Variants in WWOX observed in about 807,000 individuals in gnomAD.
WWOX encodes WW domain-containing oxidoreductase.
WWOX carries 69 observed loss-of-function variants against 46.2 expected under a neutral mutation model. That is an observed-to-expected ratio of 1.49 (90% CI 1.23 to 1.82). The LOEUF is 1.82. Ranked by LOEUF, WWOX falls within the 40% of genes most tolerant of loss-of-function variation. WWOX has a pLI of 0.00. For synonymous variants in WWOX, 359 were observed against 202.6 expected (o/e 1.77, Z -6.56); for missense variants, 919 against 542.6 (o/e 1.69, Z -6.89).
At chr16:78,767,106 CTTCCTTCCTTCT>C (rs1412305072) in intron 8 of WWOX, among the ~76,000 whole-genome samples, 1 of 137,586 alleles carries the variant, frequency 7.3e-6, no homozygotes, top group South Asian at 2.8e-4. Flanking sequence ...TCCTCCCTTC[CTTCCTTCCTTCT>C]TTCCTTCCTT....
intron 8 of WWOX, chr16:78,551,670 G>T (rs1317963929): frequency 9.1e-6 from 1 of 109,444 alleles, no homozygotes; most frequent in Non-Finnish European, 1.8e-5. Flanking sequence ...CCCCCGCCCC[G>T]TTTCTCAGAT....
At chr16:78,778,800 T>C (rs1597595181) in intron 8 of WWOX, among the ~76,000 whole-genome samples, 1 of 152,280 alleles carries the variant, frequency 6.6e-6, no homozygotes, top group Middle Eastern at 3.4e-3. Flanking sequence ...TCTGTCCTTT[T>C]CATGGAAAGG....
intron 8 of WWOX, among the ~76,000 whole-genome samples, chr16:79,119,426 G>C (rs1049502123): frequency 1.3e-5 from 2 of 152,200 alleles, no homozygotes; most frequent in Admixed American, 1.3e-4. Flanking sequence ...ATACCTACTA[G>C]AGATTGTGTC....
At chr16:78,506,175 G>A (rs1032261982) in intron 8 of WWOX, among the ~76,000 whole-genome samples, 1 of 152,180 alleles carries the variant, frequency 6.6e-6, no homozygotes, top group African/African-American at 2.4e-5. Context: ...GACTGCACCA[G>A]AAATCGGAGG....
chr16:79,125,558 T>G (rs531102822), intron 8 of WWOX, among the ~76,000 whole-genome samples: 141 of 151,990 alleles, frequency 9.3e-4, no homozygotes, highest in Non-Finnish European at 1.3e-3. Flanking sequence ...GAGTCCCAAC[T>G]TTTTGAATCC....
chr16:78,920,437 C>G (rs1022833704), intron 8 of WWOX, among the ~76,000 whole-genome samples: 6 of 152,192 alleles, frequency 3.9e-5, no homozygotes, highest in South Asian at 2.1e-4. Context: ...TCCCAGCCAC[C>G]TATGGTTCTT....
At chr16:79,106,975 G>A (rs771951897) in intron 8 of WWOX, among the ~76,000 whole-genome samples, 2 of 151,676 alleles carry the variant, frequency 1.3e-5, no homozygotes, top group Admixed American at 6.6e-5. Context: ...CATGTCCCAC[G>A]AATTTTTGTA....
chr16:78,925,942 G>A (rs561961980), intron 8 of WWOX, among the ~76,000 whole-genome samples: 27 of 152,302 alleles, frequency 1.8e-4, no homozygotes, highest in Non-Finnish European at 3.4e-4. Flanking sequence ...CCATGAATGC[G>A]ATTGGGCAGA....
chr16:78,132,902 G>T (rs545149444), intron 4 of WWOX, among the ~76,000 whole-genome samples: 128 of 152,262 alleles, frequency 8.4e-4, no homozygotes, highest in African/African-American at 3.0e-3. Flanking sequence ...CAAATGGGGT[G>T]GCAGCTGCAA....
intron 8 of WWOX, among the ~76,000 whole-genome samples, chr16:78,499,291 C>T (rs1229049898): frequency 1.3e-5 from 2 of 152,100 alleles, no homozygotes; most frequent in South Asian, 2.1e-4. Context: ...TGTGTGTGGC[C>T]TTGCTTCTGG....
chr16:79,011,351 T>A (rs1251777008), intron 8 of WWOX, among the ~76,000 whole-genome samples: 9 of 152,066 alleles, frequency 5.9e-5, no homozygotes, highest in African/African-American at 2.2e-4. Context: ...AATTTTCATG[T>A]CTCCAATCCT....
At chr16:79,066,571 C>T (rs1023700145) in intron 8 of WWOX, among the ~76,000 whole-genome samples, 1 of 152,286 alleles carries the variant, frequency 6.6e-6, no homozygotes, top group African/African-American at 2.4e-5. Context: ...GGATTTCTTT[C>T]CCCCTTATTT....
chr16:78,870,427 C>T (rs1365026189), intron 8 of WWOX, among the ~76,000 whole-genome samples: 1 of 152,106 alleles, frequency 6.6e-6, no homozygotes, highest in African/African-American at 2.4e-5. Context: ...GCTTGAATGA[C>T]CTGCCATCAT....
intron 5 of WWOX, among the ~76,000 whole-genome samples, chr16:78,331,257 T>G (rs79614776): frequency 0.024 from 3,610 of 152,290 alleles, 148 homozygotes; most frequent in African/African-American, 0.083. Context: ...CATTTGTTAC[T>G]AAATAAAATA....
rs1053716884 is a variant in WWOX, at chr16:78,374,353, T to TC, written c.517-12501dup. Among the ~76,000 whole-genome samples the TC allele has an allele frequency of 2.0e-5, 3 of 152,176 alleles. No homozygotes were observed. The East Asian group carries it at 5.8e-4, about 29-fold the overall frequency. On this transcript the variant is annotated intron_variant, in intron 5 of 8. Transcript: ENST00000566780. The stretch of plus-strand genomic sequence containing the variant: ...TGATTTAATGGATCAGTGAAATCCT[T>TC]CCCCCCATAAAACAAACTTCACTTG...
intron 8 of WWOX, among the ~76,000 whole-genome samples, chr16:78,941,348 A>G (rs984142023): frequency 2.6e-5 from 4 of 152,058 alleles, no homozygotes; most frequent in Non-Finnish European, 5.9e-5. Flanking sequence ...CATTTTGTTT[A>G]TCCAAGTTTC....
At chr16:78,470,490 C>G (rs17638504) in intron 8 of WWOX, among the ~76,000 whole-genome samples, 20,699 of 152,090 alleles carry the variant, frequency 0.14, 1,490 homozygotes, top group Non-Finnish European at 0.16. Context: ...AAGCAAGACC[C>G]CACTCTTTTA....
intron 5 of WWOX, among the ~76,000 whole-genome samples, chr16:78,187,335 G>T (rs1408970923): frequency 1.3e-5 from 2 of 152,186 alleles, no homozygotes; most frequent in African/African-American, 4.8e-5. Context: ...TTGAGGCCAA[G>T]CACGGTGGCT....
chr16:78,877,917 G>A (rs1567620897), intron 8 of WWOX, among the ~76,000 whole-genome samples: 1 of 152,140 alleles, frequency 6.6e-6, no homozygotes, highest in Non-Finnish European at 1.5e-5. Context: ...AGATACTCCT[G>A]GATGAGAGGG....
Sources: gnomAD v4.1 joint callset for allele counts (sites outside exome capture counted in the v4.1 genomes callset) on GRCh38, gnomAD v4.1.1 for gene constraint, MANE v1.5 for transcripts, NCBI Gene and HGNC (gene_info 2026-07-23, HGNC 2026-07-21) for gene names.